Variants in DLG2 observed in about 807,000 individuals in gnomAD.
The protein encoded by DLG2 is discs large MAGUK scaffold protein 2, also known as disks large homolog 2.
A neutral mutation model predicts 132.5 loss-of-function variants in DLG2; 45 were observed. The observed-to-expected ratio is 0.34, with a 90% CI of 0.27 to 0.44. The LOEUF is 0.44. Among genes scored for constraint, DLG2 ranks in the 20% least tolerant of loss-of-function variants. The probability of loss-of-function intolerance (pLI) is 1.00; values close to 1 mark genes in which losing one functional copy is unlikely to be tolerated. For missense variants in DLG2, 1,045 were observed against 1,196.9 expected (o/e 0.87, Z 1.87); for synonymous variants, 424 against 419.6 (o/e 1.01, Z -0.13).
At chr11:84,961,317 C>G (rs986033462) in intron 6 of DLG2, among the ~76,000 whole-genome samples, 2 of 151,820 alleles carry the variant, frequency 1.3e-5, no homozygotes. Flanking sequence ...CCACTACCTC[C>G]CTATGTTATT....
At chr11:84,760,671 G>A (rs1376086870) in intron 6 of DLG2, among the ~76,000 whole-genome samples, 2 of 152,172 alleles carry the variant, frequency 1.3e-5, no homozygotes, top group Non-Finnish European at 2.9e-5. Context: ...GTGACATTAT[G>A]AGTATTTGGG....
At chr11:83,923,402 A>G (rs2078316294) in intron 15 of DLG2, among the ~76,000 whole-genome samples, 1 of 152,078 alleles carries the variant, frequency 6.6e-6, no homozygotes, top group Admixed American at 6.6e-5. Flanking sequence ...GTTTAGCTAA[A>G]ATGCACATGA....
At chr11:84,956,331 G>C (rs767615501) in intron 6 of DLG2, among the ~76,000 whole-genome samples, 2 of 152,190 alleles carry the variant, frequency 1.3e-5, no homozygotes, top group Non-Finnish European at 2.9e-5. Flanking sequence ...CCCATACTTG[G>C]AGACGATCTA....
At chr11:83,600,432 A>G (rs960285186) in intron 19 of DLG2, among the ~76,000 whole-genome samples, 3 of 152,256 alleles carry the variant, frequency 2.0e-5, no homozygotes, top group Admixed American at 1.3e-4. Flanking sequence ...ATTCCTGAAT[A>G]TAAAAAATTG....
chr11:83,999,753 A>G (rs965078841), intron 11 of DLG2, among the ~76,000 whole-genome samples: 1 of 152,190 alleles, frequency 6.6e-6, no homozygotes, highest in African/African-American at 2.4e-5. Flanking sequence ...GATGCAAATA[A>G]TGCTGTTTAA....
chr11:85,205,539 T>A (rs2081826528), intron 4 of DLG2, among the ~76,000 whole-genome samples: 1 of 152,158 alleles, frequency 6.6e-6, no homozygotes, highest in Admixed American at 6.6e-5. Context: ...TGTAAAAGAA[T>A]TGGAATGTTG....
chr11:83,465,268 C>T (rs2090810055), intron 26 of DLG2, among the ~76,000 whole-genome samples: 1 of 152,010 alleles, frequency 6.6e-6, no homozygotes, highest in African/African-American at 2.4e-5. Flanking sequence ...TGGCTATTTC[C>T]CCAGAGCTCA....
At chr11:85,182,611 T>G (rs1417307579) in intron 4 of DLG2, among the ~76,000 whole-genome samples, 1 of 151,112 alleles carries the variant, frequency 6.6e-6, no homozygotes, top group Non-Finnish European at 1.5e-5. Context: ...GAAAGAGAAA[T>G]GGGGTGGGGT....
chr11:85,451,525 C>A (rs1408821225), intron 3 of DLG2, among the ~76,000 whole-genome samples: 2 of 152,172 alleles, frequency 1.3e-5, no homozygotes, highest in African/African-American at 2.4e-5. Flanking sequence ...ACTGAAATCA[C>A]AATACCTCCA....
intron 9 of DLG2, among the ~76,000 whole-genome samples, chr11:84,137,697 T>C (rs1052434034): frequency 2.6e-5 from 4 of 152,182 alleles, no homozygotes; most frequent in Admixed American, 6.6e-5. Context: ...TCAGTCTGCA[T>C]GTGGCTATAA....
intron 7 of DLG2, among the ~76,000 whole-genome samples, chr11:84,438,464 A>T (rs901549880): frequency 1.8e-4 from 26 of 148,306 alleles, no homozygotes; most frequent in Admixed American, 7.9e-4. Context: ...TACTCTTTTT[A>T]AAAAAAATAA....
intron 14 of DLG2, among the ~76,000 whole-genome samples, chr11:83,951,416 G>A (rs2085386546): frequency 6.6e-6 from 1 of 152,006 alleles, no homozygotes; most frequent in African/African-American, 2.4e-5. Flanking sequence ...TGTCAAGCAG[G>A]AATAAGCACT....
chr11:83,933,197 G>A (rs577629252), intron 14 of DLG2, among the ~76,000 whole-genome samples: 1 of 152,318 alleles, frequency 6.6e-6, no homozygotes, highest in South Asian at 2.1e-4. Flanking sequence ...GTAAGGAAGT[G>A]CCAAGGGGAA....
chr11:85,033,895 T>C (rs139656288), intron 6 of DLG2, among the ~76,000 whole-genome samples: 1 of 152,212 alleles, frequency 6.6e-6, no homozygotes, highest in African/African-American at 2.4e-5. Context: ...TGTGAAAGAA[T>C]TTTTGTTAAA....
chr11:84,368,175 C>T (rs377448100), intron 7 of DLG2, among the ~76,000 whole-genome samples: 2 of 152,132 alleles, frequency 1.3e-5, no homozygotes. Context: ...CAGCTCTTCT[C>T]ATTTTTCAAT....
intron 6 of DLG2, among the ~76,000 whole-genome samples, chr11:84,749,139 T>C (rs1333066109): frequency 6.6e-6 from 1 of 152,212 alleles, no homozygotes; most frequent in Non-Finnish European, 1.5e-5. Flanking sequence ...TCAACTAGAA[T>C]TTTTTTGGTC....
intron 6 of DLG2, among the ~76,000 whole-genome samples, chr11:85,072,698 G>A (rs1043282134): frequency 1.4e-4 from 22 of 151,794 alleles, no homozygotes; most frequent in Admixed American, 5.9e-4. Context: ...GGAAGAGAAA[G>A]AATACAAACC....
At chr11:85,431,678 G>A (rs2091193341) in intron 3 of DLG2, among the ~76,000 whole-genome samples, 1 of 152,238 alleles carries the variant, frequency 6.6e-6, no homozygotes, top group Non-Finnish European at 1.5e-5. Flanking sequence ...CAGAGCCTGA[G>A]CTCCTAGCGG....
At chr11:83,626,723 G>A (rs1388372656) in intron 19 of DLG2, among the ~76,000 whole-genome samples, 1 of 152,158 alleles carries the variant, frequency 6.6e-6, no homozygotes, top group Non-Finnish European at 1.5e-5. Context: ...TGGTTAGGAA[G>A]ACTGATAACA....
Sources: gnomAD v4.1 joint callset for allele counts (sites outside exome capture counted in the v4.1 genomes callset) on GRCh38, gnomAD v4.1.1 for gene constraint, MANE v1.5 for transcripts, NCBI Gene and HGNC (gene_info 2026-07-23, HGNC 2026-07-21) for gene names.